Variants in FRMD3 observed in about 807,000 individuals in gnomAD.
FRMD3 encodes FERM domain containing 3, also known as FERM domain-containing protein 3.
In FRMD3, 33 loss-of-function variants were observed where a neutral mutation model predicts 70.2. The ratio of observed to expected loss-of-function variants is 0.47; its 90% confidence interval spans 0.36 to 0.63. FRMD3 has a LOEUF of 0.63. FRMD3 is among the 20% of genes least tolerant of loss of function. The pLI is 0.00. For synonymous variants in FRMD3, 279 were observed against 255.9 expected, an observed-to-expected ratio of 1.09 and a Z score of -0.86; for missense variants, 632 against 711.4, an observed-to-expected ratio of 0.89 and a Z score of 1.27.
At chr9:83,579,485 T>C in the FRMD3 span, among the ~76,000 whole-genome samples, 1 of 151,988 alleles carries the variant, frequency 6.6e-6, no homozygotes, top group East Asian at 1.9e-4. Flanking sequence ...CCCACACATA[T>C]ACAGTCAATT....
At chr9:83,357,242 CATACATATATATATATATATATATATAT>C (rs1234304846) in intron 3 of FRMD3, among the ~76,000 whole-genome samples, 7 of 13,258 alleles carry the variant, frequency 5.3e-4, no homozygotes, top group Admixed American at 1.0e-3. Context: ...ATATATAATA[CATACATATATATATATATATATATATAT>C]ATATATATAT....
chr9:83,243,157 C>T, downstream of FRMD3: 1 of 1,547,196 alleles, frequency 6.5e-7, no homozygotes, highest in Non-Finnish European at 8.7e-7. Flanking sequence ...CATGGAGAGC[C>T]AAGTCTTGGC....
chr9:83,524,759 A>G (rs937645630), intron 1 of FRMD3, among the ~76,000 whole-genome samples: 34 of 152,230 alleles, frequency 2.2e-4, no homozygotes, highest in African/African-American at 7.7e-4. Flanking sequence ...ACATATTATC[A>G]TTATTATACT....
At chr9:83,534,932 C>G (rs755840391) in intron 1 of FRMD3, among the ~76,000 whole-genome samples, 3 of 152,170 alleles carry the variant, frequency 2.0e-5, no homozygotes, top group African/African-American at 4.8e-5. Flanking sequence ...TTAAATTCCC[C>G]TACCTTGGAT....
At chr9:83,302,646 G>T (rs980673939) in intron 10 of FRMD3, among the ~76,000 whole-genome samples, 3 of 151,424 alleles carry the variant, frequency 2.0e-5, no homozygotes, top group Non-Finnish European at 4.4e-5. Flanking sequence ...CCTCTTCATC[G>T]CCTTCTCACT....
the FRMD3 span, among the ~76,000 whole-genome samples, chr9:83,576,184 G>T: frequency 6.6e-6 from 1 of 152,014 alleles, no homozygotes; most frequent in Non-Finnish European, 1.5e-5. Flanking sequence ...CATACACAAG[G>T]ATTAATCACC....
intron 3 of FRMD3, among the ~76,000 whole-genome samples, chr9:83,362,976 C>T (rs1824656778): frequency 6.9e-6 from 1 of 145,244 alleles, no homozygotes; most frequent in Admixed American, 7.1e-5. Context: ...CCTTTCCTCC[C>T]TCCTTCCTTC....
intron 1 of FRMD3, among the ~76,000 whole-genome samples, chr9:83,463,292 A>G (rs1427966972): frequency 2.0e-5 from 3 of 152,182 alleles, no homozygotes; most frequent in Non-Finnish European, 4.4e-5. Context: ...GTATTAGTCT[A>G]TTCTCATGCT....
chr9:83,513,864 G>A (rs2131534263), intron 1 of FRMD3, among the ~76,000 whole-genome samples: 1 of 152,278 alleles, frequency 6.6e-6, no homozygotes, highest in East Asian at 1.9e-4. Context: ...CAAGGGGTTG[G>A]GGAACTCCCT....
At position 83,284,687 on chromosome 9, in the gene FRMD3, G is replaced by A. The variant is rs1203351040; in HGVS notation, c.1195+5916C>T. Among the ~76,000 whole-genome samples the A allele has an allele frequency of 1.3e-5, 2 of 152,324 alleles. 1 individual carries two copies. The highest frequency in any genetic ancestry group is 6.8e-3 in the Middle Eastern group (2 of 294). ...ACATCTGAGCCAAAGGGAAGAAATG[G>A]CTTAGCATCTGGGGGAAAATGGTGG... On this transcript the variant is annotated intron_variant, in intron 13 of 13. Transcript: ENST00000304195.
the FRMD3 span, among the ~76,000 whole-genome samples, chr9:83,545,677 G>A: frequency 1.3e-5 from 2 of 152,010 alleles, no homozygotes; most frequent in Admixed American, 1.3e-4. Context: ...TTTTTTAAAC[G>A]AACAAAGCCT....
In FRMD3 at chr9:83,246,532, C is replaced by G. The variant is rs1331235144; in HGVS notation, c.*1386G>C. On this transcript the variant is annotated 3_prime_UTR_variant, in exon 14 of 14. Coordinates refer to ENST00000304195, the MANE Select transcript of FRMD3 (RefSeq NM_174938.6). ...TGAACTGGTATGTCATCTCATGAGG[C>G]CTCTCCAGTTTCTCTATGGAAGTCA... is the stretch of plus-strand genomic sequence containing the variant. The G allele has an allele frequency of 4.1e-6, 4 of 985,122 alleles. No homozygotes were observed. In the African/African-American group the frequency reaches 7.0e-5, roughly 17 times the overall value. The allele number at this position is 985,122 out of a possible 1,614,324, so 61.0% of individuals were successfully genotyped here. A position where few individuals can be genotyped will look rare whatever the true frequency, so the allele number is the denominator to read the frequency against.
intron 1 of FRMD3, among the ~76,000 whole-genome samples, chr9:83,516,143 C>T (rs1829450207): frequency 6.6e-6 from 1 of 152,080 alleles, no homozygotes; most frequent in South Asian, 2.1e-4. Context: ...TGTAAACGAG[C>T]TAAATGCCCC....
intron 13 of FRMD3, among the ~76,000 whole-genome samples, chr9:83,264,913 T>TTTTTTA (rs1833169410): frequency 6.6e-6 from 1 of 152,042 alleles, no homozygotes; most frequent in African/African-American, 2.4e-5. Context: ...CACGTGAAAT[T>TTTTTTA]GCCAATTTTG....
At chr9:83,394,913 C>T (rs1322865050) in intron 1 of FRMD3, among the ~76,000 whole-genome samples, 1 of 152,176 alleles carries the variant, frequency 6.6e-6, no homozygotes. Flanking sequence ...GAGACTGTTT[C>T]TCCTTCCATA....
intron 1 of FRMD3, among the ~76,000 whole-genome samples, chr9:83,437,371 T>C (rs1034984336): frequency 2.6e-5 from 4 of 152,224 alleles, no homozygotes; most frequent in Non-Finnish European, 5.9e-5. Flanking sequence ...AGACTTACCA[T>C]AAACCAGCTT....
chr9:83,350,812 T>C (rs1456364076), intron 3 of FRMD3: 13 of 793,588 alleles, frequency 1.6e-5, no homozygotes, highest in Non-Finnish European at 1.5e-5. Flanking sequence ...ACCCAACCAA[T>C]GGGGATTCTA....
At chr9:83,391,677 T>C (rs1043578304) in intron 1 of FRMD3, among the ~76,000 whole-genome samples, 2 of 152,118 alleles carry the variant, frequency 1.3e-5, no homozygotes, top group African/African-American at 4.8e-5. Context: ...AAGATCTCCA[T>C]TGACTACTGA....
chr9:83,581,668 T>C, the FRMD3 span, among the ~76,000 whole-genome samples: 1 of 152,184 alleles, frequency 6.6e-6, no homozygotes, highest in Non-Finnish European at 1.5e-5. Context: ...CAAATGTTCA[T>C]AGAAGCATTC....
Sources: allele counts gnomAD v4.1 joint callset (sites outside exome capture counted in the v4.1 genomes callset), GRCh38; gene constraint gnomAD v4.1.1; transcripts MANE v1.5; gene names NCBI Gene and HGNC (gene_info 2026-07-23, HGNC 2026-07-21).